SLC46A3: variants seen among roughly 807,000 people sequenced by gnomAD.
The protein encoded by SLC46A3 is lysosomal proton-coupled steroid conjugate and bile acid symporter SLC46A3.
SLC46A3 carries 26 observed loss-of-function variants against 38.5 expected under a neutral mutation model. The observed-to-expected ratio is 0.68, with a 90% CI of 0.49 to 0.94. The LOEUF (loss-of-function observed/expected upper bound fraction) is 0.94. Ranked by LOEUF, SLC46A3 falls within the 40% of genes least tolerant of loss-of-function variation. SLC46A3 has a pLI of 0.00. For missense variants in SLC46A3, 510 were observed against 544.3 expected, an observed-to-expected ratio of 0.94 and a Z score of 0.63; for synonymous variants, 185 against 192.5, an observed-to-expected ratio of 0.96 and a Z score of 0.32.
rs552156159 is a variant in SLC46A3, at chr13:28,709,247, AG to A, written c.1144+1512del. On this transcript the variant is annotated intron_variant, in intron 4 of 5. Coordinates refer to ENST00000266943, the MANE Select transcript of SLC46A3 (RefSeq NM_181785.4). ...TGAGGCAGGAGAATTGCTTGAACCC[AG>A]GAGGCAGAGGTTGCAGTGAGCCGAG... Among the ~76,000 whole-genome samples the A allele has an allele frequency of 9.7e-3, 1,451 of 150,036 alleles. 18 individuals carry two copies. The highest frequency in any genetic ancestry group is 0.034 in the African/African-American group (1,365 of 40,744).
chr13:28,710,781 C>T lies in SLC46A3; in HGVS notation c.1123G>A (p.Val375Met), dbSNP rs1017376678. 10 of 1,613,822 alleles carry T rather than the reference C, an allele frequency of 6.2e-6. No homozygotes were observed. The highest frequency in any genetic ancestry group is 7.6e-6 in the Non-Finnish European group (9 of 1,179,896). ...FSVLRSMLSK[V>M]VRSTEQGTLF... is the part of the protein sequence containing the mutation. ...TCACCTTGTTCAGTCGAACGAACCACTTTTGACAACATGGACCGTAGAACA... is the reference window on the plus strand; with the variant it reads ...TCACCTTGTTCAGTCGAACGAACCATTTTTGACAACATGGACCGTAGAACA... The change falls in exon 4 of 6, where the codon GTG (valine) becomes ATG (methionine). Residue 375 changes from valine to methionine, a missense_variant. Physicochemically the swap from Val to Met is conservative, Grantham distance 21. Transcript: ENST00000266943.
At chr13:28,710,632 C>T (rs1163948358) in intron 4 of SLC46A3, 128 bp downstream of exon 4, 6 of 765,992 alleles carry the variant, frequency 7.8e-6, no homozygotes, top group Non-Finnish European at 1.3e-5. Context: ...GAGCTTACCA[C>T]TTTATTCAAA....
At position 28,704,004 on chromosome 13, in the gene SLC46A3, A is replaced by G. The variant is rs143007228; in HGVS notation, c.1240T>C (p.Tyr414His). The change falls in exon 5 of 6, where the codon TAC becomes CAC. Residue 414 changes from tyrosine to histidine, a missense_variant. Coordinates refer to ENST00000266943, the MANE Select transcript of SLC46A3 (RefSeq NM_181785.4). ...GACAGCAGGAAAGTGAAGCCAGGGT[A>G]CCAAGCAACAGTGGCTGAGTAAATT... ...NGIYSATVAWYPGFTFLLSAG... is the reference protein window; with the variant it reads ...NGIYSATVAWHPGFTFLLSAG... 3.1e-6 allele frequency: 5 copies of G among 1,613,648 alleles called. No individual in the cohort carries two copies. The African/African-American group carries it at 5.3e-5, about 17-fold the overall frequency.
chr13:28,703,827 G>T, intron 5 of SLC46A3, 116 bp downstream of exon 5: 2 of 885,074 alleles, frequency 2.3e-6, no homozygotes, highest in Non-Finnish European at 3.4e-6. Context: ...AAAAGTTCTT[G>T]AGAAAAGCAC....
chr13:28,714,201 T>TC (rs1339383639), intron 2 of SLC46A3, among the ~76,000 whole-genome samples: 1 of 151,772 alleles, frequency 6.6e-6, no homozygotes, highest in Non-Finnish European at 1.5e-5. Context: ...TTATTTTTTT[T>TC]TTTTACCTAT....
At position 28,712,978 on chromosome 13, in the gene SLC46A3, AC is replaced by A; in HGVS notation, c.761del (p.Gly254ValfsTer14). The A allele has an allele frequency of 6.2e-7, 1 of 1,613,428 alleles. No homozygotes were observed. Among genetic ancestry groups the A allele is most frequent in the Non-Finnish European group, 8.5e-7 (1 of 1,179,886 alleles). ...RTYMLFKNAS[G>X]KRRFLLCLLL... ...ACAAACAGAGCAAAAATCGTCTCTT[AC>A]CAGAAGCATTCTTAAAAAGCATGTA... On this transcript the variant is annotated frameshift_variant, in exon 3 of 6. Transcript: ENST00000266943. LOFTEE classifies it high-confidence loss of function.
Position 28,704,060 on chromosome 13 carries a change from C to A in SLC46A3, c.1184G>T (p.Gly395Val), listed in dbSNP as rs1885107158. Reference sequence around the variant, plus strand: ...AAAAGTAGAAACTGCAGTGACTCCTCCAAGTGTTTCTAAGAAAGCAATACA... The same window carrying A: ...AAAAGTAGAAACTGCAGTGACTCCTACAAGTGTTTCTAAGAAAGCAATACA... Reference protein sequence around the residue: ...FACIAFLETLGGVTAVSTFNG... With the variant: ...FACIAFLETLVGVTAVSTFNG... The change falls in exon 5 of 6, where the codon GGA becomes GTA. Residue 395 changes from glycine to valine, a missense_variant. Coordinates refer to ENST00000266943, the MANE Select transcript of SLC46A3 (RefSeq NM_181785.4). 6.2e-7 allele frequency: 1 copy of A among 1,613,460 alleles called. No individual in the cohort carries two copies. Among genetic ancestry groups the A allele is most frequent in the South Asian group, 1.1e-5 (1 of 91,058 alleles).
chr13:28,712,889 T>A lies in SLC46A3; in HGVS notation c.851A>T (p.Tyr284Phe). The A allele has an allele frequency of 6.2e-7, 1 of 1,610,800 alleles. No homozygotes were observed. Among genetic ancestry groups the A allele is most frequent in the Non-Finnish European group, 8.5e-7 (1 of 1,179,246 alleles). The change falls in exon 3 of 6, where the codon TAT (tyrosine) becomes TTT (phenylalanine). Residue 284 changes from tyrosine (Y) to phenylalanine (F), a missense_variant. Coordinates refer to ENST00000266943, the MANE Select transcript of SLC46A3 (RefSeq NM_181785.4). ...VIGIAPIFIL[Y>F]ELDSPLCWNE... ...CCAGCAGAGTGGTGAATCCAATTCA[T>A]AAAGGATAAAAATTGGGGCAATGCC...
At chr13:28,714,610 G>A (rs1403480278) in intron 2 of SLC46A3, among the ~76,000 whole-genome samples, 12 of 152,204 alleles carry the variant, frequency 7.9e-5, no homozygotes, top group South Asian at 4.1e-4. Context: ...TTAGCCAGGC[G>A]TGGTGGCGTA....
intron 4 of SLC46A3, among the ~76,000 whole-genome samples, chr13:28,708,790 T>C (rs1269566288): frequency 6.6e-6 from 1 of 151,988 alleles, no homozygotes; most frequent in Non-Finnish European, 1.5e-5. Context: ...CTTTGAAACA[T>C]AAAAATTTTT....
intron 2 of SLC46A3, 100 bp downstream of exon 2, chr13:28,717,710 C>T (rs1210189250): frequency 8.0e-7 from 1 of 1,242,420 alleles, no homozygotes; most frequent in Non-Finnish European, 1.1e-6. Context: ...GATGGCCGCC[C>T]TAGAGAGACC....
chr13:28,701,354 T>C lies in SLC46A3; in HGVS notation c.*143A>G. On this transcript the variant is annotated 3_prime_UTR_variant, in exon 6 of 6. Transcript: ENST00000266943. ...CAAGAAGCTAAAGCCAGGAGCTGTC[T>C]CTCTGACTGTTCAGTTTAGAAGAAA... The C allele has an allele frequency of 6.9e-7, 1 of 1,447,312 alleles. No individual in the cohort carries two copies. The highest frequency in any genetic ancestry group is 1.6e-5 in the South Asian group (1 of 64,230). 89.7% of individuals were successfully genotyped at this position (1,447,312 alleles called of 1,614,324 possible).
Position 28,713,481 on chromosome 13 carries a change from A to T in SLC46A3, c.259T>A (p.Ser87Thr). ...DISGLIPGLV[S>T]TFILLSISDH... is the part of the protein sequence containing the mutation. ...CTAATAGACAAAAGTATGAATGTAG[A>T]CACTAGACCAGGAATTAATCCACTT... Residue 87 changes from serine (S) to threonine (T), a missense_variant, in exon 3 of 6, where the codon TCT becomes ACT. Ser to Thr is a moderately conservative substitution (Grantham distance 58, BLOSUM62 1). Coordinates refer to ENST00000266943, the MANE Select transcript of SLC46A3 (RefSeq NM_181785.4). 1.2e-6 allele frequency: 2 copies of T among 1,613,712 alleles called. No homozygotes were observed. The highest frequency in any genetic ancestry group is 1.7e-6 in the Non-Finnish European group (2 of 1,179,582).
chr13:28,718,275 G>T (rs1885591242), intron 1 of SLC46A3, among the ~76,000 whole-genome samples: 1 of 152,168 alleles, frequency 6.6e-6, no homozygotes, highest in Non-Finnish European at 1.5e-5. Context: ...TTGAGTCTTT[G>T]AAATCATAAA....
chr13:28,717,506 T>TTTTTTTTTTTTTTTTTTTTTTG (rs1885563782), intron 2 of SLC46A3, among the ~76,000 whole-genome samples: 1 of 98,068 alleles, frequency 1.0e-5, no homozygotes, highest in Non-Finnish European at 2.2e-5. Context: ...TTTTTTTTTT[T>TTTTTTTTTTTTTTTTTTTTTTG]TTTTAGGACA....
chr13:28,713,636 C>G, intron 2 of SLC46A3, 86 bp from the exon 3 acceptor site: 3 of 1,342,090 alleles, frequency 2.2e-6, no homozygotes, highest in Non-Finnish European at 3.1e-6. Context: ...GCTTTTTTCC[C>G]TGTGGCCAGT....
chr13:28,717,401 C>A (rs1483219648), intron 2 of SLC46A3, among the ~76,000 whole-genome samples: 1 of 151,352 alleles, frequency 6.6e-6, no homozygotes, highest in African/African-American at 2.4e-5. Flanking sequence ...AAGAATAGAG[C>A]AAGTGAGAGA....
intron 4 of SLC46A3, among the ~76,000 whole-genome samples, chr13:28,709,015 T>C (rs964002906): frequency 6.6e-6 from 1 of 152,108 alleles, no homozygotes; most frequent in Non-Finnish European, 1.5e-5. Flanking sequence ...AATATATAGC[T>C]ACATCTTATG....
At chr13:28,705,951 C>T (rs188783932) in intron 4 of SLC46A3, among the ~76,000 whole-genome samples, 2 of 152,310 alleles carry the variant, frequency 1.3e-5, no homozygotes, top group African/African-American at 4.8e-5. Context: ...TCTGATGGAA[C>T]CATACTATTA....
Sources: allele counts gnomAD v4.1 joint callset (sites outside exome capture counted in the v4.1 genomes callset), GRCh38; gene constraint gnomAD v4.1.1; transcripts MANE v1.5; gene names NCBI Gene and HGNC (gene_info 2026-07-23, HGNC 2026-07-21).